RNF121: variants seen among roughly 807,000 people sequenced by gnomAD.
RNF121 encodes the protein E3 ubiquitin ligase RNF121.
Under a neutral mutation model 46.5 loss-of-function variants are expected in RNF121, and 21 were observed. The ratio of observed to expected loss-of-function variants is 0.45; its 90% CI spans 0.32 to 0.65. RNF121 has a LOEUF of 0.65. RNF121 is among the 30% of genes least tolerant of loss of function. The pLI is 0.04. For missense variants in RNF121, 346 were observed against 416.0 expected (o/e 0.83, Z 1.46); for synonymous variants, 139 against 144.7 (o/e 0.96, Z 0.28).
chr11:71,940,472 C>T (rs769583280), intron 1 of RNF121, among the ~76,000 whole-genome samples: 5 of 152,086 alleles, frequency 3.3e-5, no homozygotes, highest in African/African-American at 9.7e-5. Context: ...TAGGAATGAA[C>T]GCCCAAGGTC....
Position 71,975,659 on chromosome 11 carries a change from C to G in RNF121, c.244-7102C>G, listed in dbSNP as rs570259711. Among the ~76,000 whole-genome samples the G allele has an allele frequency of 7.9e-5, 12 of 152,320 alleles. No individual in the cohort carries two copies. In the South Asian group the frequency reaches 2.5e-3, roughly 32 times the overall value. On this transcript the variant is annotated intron_variant, in intron 3 of 8. Transcript: ENST00000361756. ...GGTTTTCATCTCTGAATTCCCCAGT[C>G]ATTAGCATGGCATCCAGTAAGTGCT...
Position 71,987,084 on chromosome 11 carries a change from C to A in RNF121, c.479C>A (p.Thr160Asn). 2 of 1,612,282 alleles carry A rather than the reference C, an allele frequency of 1.2e-6. No homozygotes were observed. The highest frequency in any genetic ancestry group is 1.7e-6 in the Non-Finnish European group (2 of 1,178,436). The change falls in exon 5 of 9, where the codon ACC becomes AAC. Residue 160 changes from threonine (T) to asparagine (N), a missense_variant. This residue lies in a region of RNF121 where 286 missense variants were observed against 383.8 expected (regional missense o/e 0.75). Transcript: ENST00000361756. ...GTTGGCTACATGGCTGTCATGTTTA[C>A]CCTCTTTGGTCTTAACTTATTATTC... ...GIVGYMAVMF[T>N]LFGLNLLFKI...
intron 3 of RNF121, among the ~76,000 whole-genome samples, chr11:71,971,302 T>G (rs1456082459): frequency 6.6e-6 from 1 of 152,178 alleles, no homozygotes; most frequent in African/African-American, 2.4e-5. Flanking sequence ...AAGGATCACT[T>G]GAGCCCAAGA....
intron 3 of RNF121, among the ~76,000 whole-genome samples, chr11:71,971,550 G>A (rs1296970112): frequency 1.3e-5 from 2 of 152,042 alleles, no homozygotes; most frequent in African/African-American, 4.8e-5. Context: ...AAAACTGACA[G>A]TAGATTAATA....
At chr11:71,930,542 AG>A (rs55669226) in intron 1 of RNF121, among the ~76,000 whole-genome samples, 119,644 of 151,984 alleles carry the variant, frequency 0.79, 50,188 homozygotes, top group Non-Finnish European at 0.94. Flanking sequence ...CCCAATCACT[AG>A]AGACTACAGG....
chr11:71,952,670 G>A (rs1313637039), intron 1 of RNF121, among the ~76,000 whole-genome samples: 3 of 151,962 alleles, frequency 2.0e-5, no homozygotes. Context: ...TTAGCCAGGC[G>A]TGGTGGCGCA....
At chr11:71,966,254 G>A (rs1195555316) in intron 3 of RNF121, among the ~76,000 whole-genome samples, 1 of 152,068 alleles carries the variant, frequency 6.6e-6, no homozygotes, top group Non-Finnish European at 1.5e-5. Context: ...CCTGACCTCA[G>A]GTGATCCGCT....
intron 1 of RNF121, among the ~76,000 whole-genome samples, chr11:71,944,200 G>A (rs1412408942): frequency 1.3e-5 from 2 of 152,106 alleles, no homozygotes; most frequent in African/African-American, 4.8e-5. Flanking sequence ...AGGCGTGGTG[G>A]CATGCACCTG....
chr11:71,968,256 C>T (rs929025604), intron 3 of RNF121, among the ~76,000 whole-genome samples: 2 of 152,130 alleles, frequency 1.3e-5, no homozygotes, highest in South Asian at 2.1e-4. Flanking sequence ...GAAGGGGTTT[C>T]ACCATGTTGG....
In RNF121 at chr11:71,938,299, G is replaced by A. The variant is rs76458573; in HGVS notation, c.63+9175G>A. Among the ~76,000 whole-genome samples the A allele has an allele frequency of 7.9e-4, 114 of 143,928 alleles. No homozygotes were observed. In the East Asian group the frequency reaches 0.016, roughly 20 times the overall value. 94.4% of individuals were successfully genotyped at this position (143,928 alleles called of 152,430 possible). A position where few individuals can be genotyped will look rare whatever the true frequency, so the allele number is the denominator to read the frequency against. On this transcript the variant is annotated intron_variant, in intron 1 of 8. Transcript: ENST00000361756. ...CCAGGCAGTAAAGTAAGCATTTTAC[G>A]TGTGTAGTCTCTTAATTTTTTTTTT...
At chr11:71,973,678 TG>T (rs796076712) in intron 3 of RNF121, among the ~76,000 whole-genome samples, 23 of 151,964 alleles carry the variant, frequency 1.5e-4, no homozygotes, top group African/African-American at 5.3e-4. Context: ...TCCCAGCTAC[TG>T]TGGAGGCTGA....
chr11:71,948,489 T>C (rs1953779246), intron 1 of RNF121, among the ~76,000 whole-genome samples: 1 of 110,806 alleles, frequency 9.0e-6, no homozygotes, highest in Non-Finnish European at 1.7e-5. Context: ...CACTCCAGCC[T>C]GGGCAACAGA....
At chr11:71,984,923 A>G (rs1954743681) in intron 4 of RNF121, among the ~76,000 whole-genome samples, 2 of 63,594 alleles carry the variant, frequency 3.1e-5, no homozygotes, top group African/African-American at 6.9e-5. Context: ...ACAATTTCAA[A>G]GCACTTTTTA....
rs150583480 is a variant in RNF121 at position 71,976,193 on chromosome 11, G to A, written c.244-6568G>A. On this transcript the variant is annotated intron_variant, in intron 3 of 8. Transcript: ENST00000361756. ...TTCCAGGCCTTTTATTATAATCCTA[G>A]CTGCTCTCTTATGGCCTGCTGTCTT... Among the ~76,000 whole-genome samples, 949 of 151,966 alleles carry A rather than the reference G, an allele frequency of 6.2e-3. 6 individuals carry two copies. Among genetic ancestry groups the A allele is most frequent in the African/African-American group, 0.019 (806 of 41,412 alleles).
At chr11:71,966,957 C>T (rs1163786551) in intron 3 of RNF121, among the ~76,000 whole-genome samples, 3 of 149,118 alleles carry the variant, frequency 2.0e-5, no homozygotes, top group African/African-American at 7.3e-5. Context: ...CTGCAAGCTC[C>T]GCTTCCCGGG....
intron 3 of RNF121, 151 bp downstream of exon 3, chr11:71,961,042 G>A (rs945408996): frequency 3.2e-5 from 28 of 868,586 alleles, no homozygotes; most frequent in Non-Finnish European, 4.6e-5. Flanking sequence ...GTGTATTGGC[G>A]AGTGTGTGTC....
chr11:71,985,801 C>G (rs1954760996), intron 4 of RNF121, among the ~76,000 whole-genome samples: 1 of 152,096 alleles, frequency 6.6e-6, no homozygotes, highest in Non-Finnish European at 1.5e-5. Context: ...ATTTAAAAGG[C>G]TCTGGTTTGG....
At position 71,982,893 on chromosome 11, in the gene RNF121, C is replaced by G; in HGVS notation, c.376C>G (p.Pro126Ala). The G allele has an allele frequency of 1.9e-6, 3 of 1,611,820 alleles. No individual in the cohort carries two copies. The highest frequency in any genetic ancestry group is 2.5e-6 in the Non-Finnish European group (3 of 1,179,050). ...AFVTFRATRKPLVQTTPRLVY... is the reference protein window; with the variant it reads ...AFVTFRATRKALVQTTPRLVY... ...TGTTACCTTCCGAGCCACCCGAAAA[C>G]CTCTAGTACAGACAACCCCAAGGTG... The change falls in exon 4 of 9, where the codon CCT (proline) becomes GCT (alanine). Residue 126 changes from proline (P) to alanine (A), a missense_variant. This residue lies in a region of RNF121 where 286 missense variants were observed against 383.8 expected (regional missense o/e 0.75). Coordinates refer to ENST00000361756, the MANE Select transcript of RNF121 (RefSeq NM_018320.5).
In RNF121 at chr11:71,996,633, C is replaced by G. The variant is rs1286668231; in HGVS notation, c.*318C>G. 4.1e-6 allele frequency: 1 copy of G among 241,504 alleles called. No homozygotes were observed. Among genetic ancestry groups the G allele is most frequent in the Non-Finnish European group, 8.2e-6 (1 of 121,772 alleles). 15.0% of individuals were successfully genotyped at this position (241,504 alleles called of 1,614,324 possible). The stretch of plus-strand genomic sequence containing the variant: ...AAGCAGGGTGGGGGCAGAGCCATGA[C>G]ATTTTTGGTTTAAAGGAGCCTTCTC... On this transcript the variant is annotated 3_prime_UTR_variant, in exon 9 of 9. Coordinates refer to ENST00000361756, the MANE Select transcript of RNF121 (RefSeq NM_018320.5).
Sources: gnomAD v4.1 joint callset for allele counts (sites outside exome capture counted in the v4.1 genomes callset) on GRCh38, gnomAD v4.1.1 for gene constraint, gnomAD v4.1.1 regional missense constraint, MANE v1.5 for transcripts, NCBI Gene and HGNC (gene_info 2026-07-23, HGNC 2026-07-21) for gene names.